The following KIAA0825 variants were observed in gnomAD, a reference collection of about 807,000 sequenced individuals.
KIAA0825 encodes the protein KIAA0825.
KIAA0825 carries 119 observed loss-of-function variants against 147.6 expected under a neutral mutation model. The observed-to-expected ratio is 0.81, with a 90% CI of 0.69 to 0.94. The LOEUF is 0.94. KIAA0825 is among the 40% of genes least tolerant of loss of function. KIAA0825 has a pLI of 0.00. For missense variants in KIAA0825, 1,381 were observed against 1,472.7 expected (o/e 0.94, Z 1.02); for synonymous variants, 470 against 518.1 (o/e 0.91, Z 1.26).
Position 94,272,315 on chromosome 5 carries a change from G to A in KIAA0825, c.3710+112053C>T, listed in dbSNP as rs533597203. 2.5e-4 allele frequency among the ~76,000 whole-genome samples: 38 copies of A among 151,862 alleles called. No homozygotes were observed. In the South Asian group the frequency reaches 7.7e-3, roughly 31 times the overall value. ...TGACTACACTCAACAATAATTTACT[G>A]CACATTTAAAAATAACTAAAAGAGT... On this transcript the variant is annotated intron_variant, in intron 20 of 20. Coordinates refer to ENST00000682413, the MANE Select transcript of KIAA0825 (RefSeq NM_001145678.3).
chr5:94,540,578 T>C (rs1268111237), intron 2 of KIAA0825, among the ~76,000 whole-genome samples: 1 of 152,248 alleles, frequency 6.6e-6, no homozygotes, highest in Non-Finnish European at 1.5e-5. Flanking sequence ...GTGATGTTTA[T>C]ATGTGAAAGA....
At chr5:94,272,423 CA>C (rs1777034718) in intron 20 of KIAA0825, among the ~76,000 whole-genome samples, 1 of 152,012 alleles carries the variant, frequency 6.6e-6, no homozygotes, top group Non-Finnish European at 1.5e-5. Flanking sequence ...GACTGTGATG[CA>C]CTGTATGCCT....
intron 20 of KIAA0825, among the ~76,000 whole-genome samples, chr5:94,248,159 A>G (rs1235404043): frequency 2.0e-5 from 3 of 152,166 alleles, no homozygotes; most frequent in African/African-American, 7.2e-5. Context: ...AATGCAAAAG[A>G]GTATCAGATA....
intron 5 of KIAA0825, among the ~76,000 whole-genome samples, chr5:94,490,314 G>A (rs141865056): frequency 4.1e-4 from 63 of 152,180 alleles, no homozygotes; most frequent in African/African-American, 1.4e-3. Flanking sequence ...CCAGAACAAA[G>A]TAAGATTTTA....
intron 20 of KIAA0825, among the ~76,000 whole-genome samples, chr5:94,317,882 G>A (rs890481773): frequency 2.6e-5 from 4 of 151,642 alleles, no homozygotes; most frequent in Non-Finnish European, 5.9e-5. Context: ...TATGAATCAA[G>A]TGTGGATAAC....
intron 20 of KIAA0825, among the ~76,000 whole-genome samples, chr5:94,222,547 A>G (rs1277521549): frequency 6.6e-6 from 1 of 152,198 alleles, no homozygotes; most frequent in Non-Finnish European, 1.5e-5. Flanking sequence ...AGAGTGATGT[A>G]GAAAAAGAGC....
intron 20 of KIAA0825, among the ~76,000 whole-genome samples, chr5:94,336,564 A>G (rs1781819208): frequency 6.6e-6 from 1 of 152,096 alleles, no homozygotes; most frequent in Non-Finnish European, 1.5e-5. Flanking sequence ...TTCCAGCTTC[A>G]TCCATGTCCC....
At chr5:94,414,246 G>GTATA (rs1242844353) in intron 15 of KIAA0825, 2 of 152,096 alleles carry the variant, frequency 1.3e-5, no homozygotes, top group African/African-American at 2.4e-5. Flanking sequence ...TACTTTTTGA[G>GTATA]TATATTACTA....
intron 2 of KIAA0825, among the ~76,000 whole-genome samples, chr5:94,557,087 C>T (rs1476798745): frequency 6.6e-6 from 1 of 152,020 alleles, no homozygotes; most frequent in African/African-American, 2.4e-5. Context: ...GGTAGCTGGC[C>T]AGATCACATT....
intron 20 of KIAA0825, among the ~76,000 whole-genome samples, chr5:94,342,650 T>A (rs994722422): frequency 3.3e-5 from 5 of 152,182 alleles, no homozygotes; most frequent in African/African-American, 1.2e-4. Context: ...ACCCTGATGT[T>A]TCATTATTTA....
At chr5:94,501,987 T>A (rs918515113) in intron 5 of KIAA0825, among the ~76,000 whole-genome samples, 1 of 152,186 alleles carries the variant, frequency 6.6e-6, no homozygotes, top group Non-Finnish European at 1.5e-5. Context: ...TCATTCTATA[T>A]GTATTGATAC....
At chr5:94,310,583 A>G (rs1779072105) in intron 20 of KIAA0825, among the ~76,000 whole-genome samples, 1 of 151,712 alleles carries the variant, frequency 6.6e-6, no homozygotes. Context: ...GAACATAATC[A>G]ACTATTAAGC....
chr5:94,557,801 G>A (rs1776824558), intron 2 of KIAA0825, among the ~76,000 whole-genome samples: 1 of 152,198 alleles, frequency 6.6e-6, no homozygotes, highest in African/African-American at 2.4e-5. Context: ...CCCTCCCTTT[G>A]TATAGGAGCT....
chr5:94,553,787 AC>A (rs1171133053), intron 2 of KIAA0825, among the ~76,000 whole-genome samples: 32 of 151,886 alleles, frequency 2.1e-4, no homozygotes, highest in Non-Finnish European at 2.9e-5. Flanking sequence ...AAAAAAAAAA[AC>A]AAAAAGAAAA....
chr5:94,534,394 G>C (rs1229284766), intron 3 of KIAA0825, among the ~76,000 whole-genome samples: 2 of 151,914 alleles, frequency 1.3e-5, no homozygotes, highest in African/African-American at 4.8e-5. Context: ...TTTATTCTCT[G>C]GAGTATAATA....
intron 5 of KIAA0825, among the ~76,000 whole-genome samples, chr5:94,498,397 C>G (rs565828303): frequency 6.6e-6 from 1 of 152,290 alleles, no homozygotes; most frequent in South Asian, 2.1e-4. Flanking sequence ...CATGTACCCA[C>G]TGAGTGGAGA....
In KIAA0825 at chr5:94,396,304, A is replaced by G; in HGVS notation, c.3093T>C (p.Thr1031=). Residue 1031 remains threonine, a synonymous_variant, in exon 17 of 21, where the codon ACT becomes ACC. Coordinates refer to ENST00000682413, the MANE Select transcript of KIAA0825 (RefSeq NM_001145678.3). The part of the protein sequence containing the change: ...IICRIFEDGN[T]VELLTGASLD... The stretch of plus-strand genomic sequence containing the variant: ...GAGAGGCACCTGTTAAAAGTTCCAC[A>G]GTGTTTCCGTCCTCAAATATCCGAC... 1.3e-6 allele frequency: 2 copies of G among 1,550,688 alleles called. No homozygotes were observed. The highest frequency in any genetic ancestry group is 1.7e-6 in the Non-Finnish European group (2 of 1,146,592).
chr5:94,489,744 G>C (rs1763496592), intron 5 of KIAA0825, among the ~76,000 whole-genome samples: 1 of 151,890 alleles, frequency 6.6e-6, no homozygotes, highest in African/African-American at 2.4e-5. Context: ...AAATTAGCCA[G>C]GCGTGGTGGT....
chr5:94,297,797 T>A (rs1019018055), intron 20 of KIAA0825, among the ~76,000 whole-genome samples: 4 of 151,860 alleles, frequency 2.6e-5, no homozygotes, highest in Non-Finnish European at 5.9e-5. Context: ...GGTTTCACTA[T>A]GTTGGCCAGG....
Sources: allele counts gnomAD v4.1 joint callset (sites outside exome capture counted in the v4.1 genomes callset), GRCh38; gene constraint gnomAD v4.1.1; transcripts MANE v1.5; gene names NCBI Gene and HGNC (gene_info 2026-07-23, HGNC 2026-07-21).